Variants in SBF2 observed in about 807,000 individuals in gnomAD.
SBF2 encodes the protein myotubularin-related protein 13.
A neutral mutation model predicts 225.2 loss-of-function variants in SBF2; 112 were observed. The observed-to-expected ratio is 0.50, with a 90% confidence interval of 0.43 to 0.58. SBF2 has a LOEUF of 0.58. SBF2 is among the 20% of genes least tolerant of loss of function. The pLI, the probability that SBF2 is intolerant of heterozygous loss-of-function variation, is 0.00. For missense variants in SBF2, 1,996 were observed against 2,206.2 expected, an observed-to-expected ratio of 0.90 and a Z score of 1.91; for synonymous variants, 763 against 773.3, an observed-to-expected ratio of 0.99 and a Z score of 0.22.
At chr11:10,073,316 A>T (rs1473516463) in intron 2 of SBF2, among the ~76,000 whole-genome samples, 1 of 152,180 alleles carries the variant, frequency 6.6e-6, no homozygotes, top group Non-Finnish European at 1.5e-5. Context: ...TTCATTTTAA[A>T]ATTATTAAAA....
chr11:9,936,820 A>G (rs1864933660), intron 16 of SBF2, among the ~76,000 whole-genome samples: 1 of 152,172 alleles, frequency 6.6e-6, no homozygotes, highest in Non-Finnish European at 1.5e-5. Flanking sequence ...GGTCTGGGGT[A>G]GGGATAGCAT....
chr11:9,896,362 A>C (rs1245031815), intron 16 of SBF2, among the ~76,000 whole-genome samples: 1 of 152,112 alleles, frequency 6.6e-6, no homozygotes, highest in Non-Finnish European at 1.5e-5. Flanking sequence ...TTTTTGGAGG[A>C]AGTTTTAGTA....
At chr11:10,109,128 T>G (rs1316473779) in intron 2 of SBF2, among the ~76,000 whole-genome samples, 1 of 152,026 alleles carries the variant, frequency 6.6e-6, no homozygotes, top group African/African-American at 2.4e-5. Context: ...AACCGCCAAA[T>G]TAAATACATA....
intron 16 of SBF2, chr11:9,959,267 G>A (rs1406543041): frequency 7.7e-6 from 6 of 775,206 alleles, no homozygotes; most frequent in Admixed American, 5.1e-5. Flanking sequence ...AAGCAGGCCC[G>A]GTAATGAGCC....
intron 15 of SBF2, 31 bp from the exon 16 acceptor site, chr11:9,962,137 T>C (rs760913101): frequency 1.0e-5 from 16 of 1,607,578 alleles, no homozygotes; most frequent in South Asian, 3.3e-5. Context: ...AATGACCAAA[T>C]GGTACCACTG....
At chr11:10,196,584 G>C (rs1410865544) in intron 1 of SBF2, among the ~76,000 whole-genome samples, 1 of 151,654 alleles carries the variant, frequency 6.6e-6, no homozygotes, top group Non-Finnish European at 1.5e-5. Flanking sequence ...TCGCCACATT[G>C]CCCAAGTTGG....
intron 6 of SBF2, among the ~76,000 whole-genome samples, chr11:10,023,589 C>G (rs1948939736): frequency 6.6e-6 from 1 of 152,162 alleles, no homozygotes; most frequent in Non-Finnish European, 1.5e-5. Flanking sequence ...ATGTGTTTGC[C>G]TATTTTGGAC....
At chr11:10,036,514 TTTAAAATCA>T (rs1403631088) in intron 3 of SBF2, among the ~76,000 whole-genome samples, 2 of 152,166 alleles carry the variant, frequency 1.3e-5, no homozygotes, top group Non-Finnish European at 2.9e-5. Flanking sequence ...AAAATATATC[TTTAAAATCA>T]GATATAGTTA....
chr11:9,865,189 C>T (rs1299666342), intron 17 of SBF2, among the ~76,000 whole-genome samples: 2 of 152,122 alleles, frequency 1.3e-5, no homozygotes, highest in Non-Finnish European at 2.9e-5. Context: ...GTTTTTCATG[C>T]ATTATGTTGT....
intron 1 of SBF2, among the ~76,000 whole-genome samples, chr11:10,266,743 C>T (rs1419240370): frequency 1.3e-5 from 2 of 152,188 alleles, no homozygotes; most frequent in Non-Finnish European, 2.9e-5. Context: ...ATATGGACCA[C>T]ATTTCCCAGG....
At chr11:10,108,879 T>C (rs1024499429) in intron 2 of SBF2, among the ~76,000 whole-genome samples, 1 of 152,164 alleles carries the variant, frequency 6.6e-6, no homozygotes, top group African/African-American at 2.4e-5. Context: ...CAGATTTCTA[T>C]AGTAACATTA....
chr11:9,976,147 C>T (rs1946673950), intron 13 of SBF2, among the ~76,000 whole-genome samples: 1 of 147,622 alleles, frequency 6.8e-6, no homozygotes, highest in South Asian at 2.1e-4. Flanking sequence ...GATCTCGGCT[C>T]ACTGCAACCT....
chr11:10,136,652 T>A (rs758021027), intron 2 of SBF2, among the ~76,000 whole-genome samples: 1 of 152,218 alleles, frequency 6.6e-6, no homozygotes, highest in Non-Finnish European at 1.5e-5. Context: ...GGTAAGGTAC[T>A]CTTGTGGGAC....
At chr11:9,926,863 T>C (rs1298144572) in intron 16 of SBF2, among the ~76,000 whole-genome samples, 1 of 152,048 alleles carries the variant, frequency 6.6e-6, no homozygotes, top group African/African-American at 2.4e-5. Context: ...TAATTAAATA[T>C]AAAGTAAGTA....
intron 16 of SBF2, among the ~76,000 whole-genome samples, chr11:9,941,426 C>T (rs1160241652): frequency 6.6e-6 from 1 of 152,188 alleles, no homozygotes; most frequent in African/African-American, 2.4e-5. Context: ...CGATTTCACT[C>T]TAACATAAAG....
At chr11:10,110,872 T>C (rs1952806627) in intron 2 of SBF2, among the ~76,000 whole-genome samples, 1 of 152,174 alleles carries the variant, frequency 6.6e-6, no homozygotes, top group Non-Finnish European at 1.5e-5. Flanking sequence ...ACATATACTA[T>C]TTAGTTATAA....
intron 17 of SBF2, among the ~76,000 whole-genome samples, chr11:9,865,688 C>CAAAA (rs1174863548): frequency 0.046 from 678 of 14,828 alleles, 162 homozygotes; most frequent in African/African-American, 0.14. Flanking sequence ...AAAACTGTCT[C>CAAAA]AAAAAAAAAA....
intron 6 of SBF2, among the ~76,000 whole-genome samples, chr11:10,020,676 T>C (rs139278574): frequency 6.6e-6 from 1 of 152,278 alleles, no homozygotes; most frequent in Non-Finnish European, 1.5e-5. Flanking sequence ...CAGACTCCTA[T>C]GGGTTCACTG....
intron 1 of SBF2, among the ~76,000 whole-genome samples, chr11:10,261,692 T>C (rs1961446108): frequency 6.6e-6 from 1 of 152,242 alleles, no homozygotes; most frequent in Non-Finnish European, 1.5e-5. Context: ...CATAGCAGTT[T>C]ATTCATTATT....
Sources: allele counts gnomAD v4.1 joint callset (sites outside exome capture counted in the v4.1 genomes callset), GRCh38; gene constraint gnomAD v4.1.1; transcripts MANE v1.5; gene names NCBI Gene and HGNC (gene_info 2026-07-23, HGNC 2026-07-21).